Variants in KCNIP1 observed in about 807,000 individuals in gnomAD.
KCNIP1 encodes potassium voltage-gated channel interacting protein 1, also known as A-type potassium channel modulatory protein KCNIP1.
KCNIP1 carries 18 observed loss-of-function variants against 33.0 expected under a neutral mutation model. The observed-to-expected ratio is 0.55, with a 90% CI of 0.38 to 0.81. The LOEUF (loss-of-function observed/expected upper bound fraction) is 0.81. Among genes scored for constraint, KCNIP1 ranks in the 30% least tolerant of loss-of-function variants. KCNIP1 has a pLI of 0.00. For synonymous variants in KCNIP1, 93 were observed against 98.3 expected, an observed-to-expected ratio of 0.95 and a Z score of 0.32; for missense variants, 238 against 271.6, an observed-to-expected ratio of 0.88 and a Z score of 0.87.
chr5:170,427,943 G>T (rs1009711867), intron 1 of KCNIP1, among the ~76,000 whole-genome samples: 5 of 152,174 alleles, frequency 3.3e-5, no homozygotes, highest in African/African-American at 7.2e-5. Context: ...TCAGCATATG[G>T]TAGAAAGAAA....
At chr5:170,366,643 C>T (rs2113298046) in intron 1 of KCNIP1, among the ~76,000 whole-genome samples, 1 of 152,338 alleles carries the variant, frequency 6.6e-6, no homozygotes, top group East Asian at 1.9e-4. Context: ...GAGACTCCTC[C>T]AAATGTCCTC....
chr5:170,701,767 G>T (rs920267480), intron 1 of KCNIP1, among the ~76,000 whole-genome samples: 3 of 152,206 alleles, frequency 2.0e-5, no homozygotes, highest in Non-Finnish European at 4.4e-5. Context: ...GATAGCAGCA[G>T]ACTGAGAGAT....
At chr5:170,652,518 G>GAAGGAAGA (rs1444043780) in intron 1 of KCNIP1, among the ~76,000 whole-genome samples, 1 of 129,142 alleles carries the variant, frequency 7.7e-6, no homozygotes, top group Admixed American at 8.1e-5. Flanking sequence ...AGGAAGGAAG[G>GAAGGAAGA]AGAAAAGAAA....
chr5:170,444,973 G>A (rs773913997), intron 1 of KCNIP1, among the ~76,000 whole-genome samples: 1 of 152,158 alleles, frequency 6.6e-6, no homozygotes, highest in Admixed American at 6.5e-5. Context: ...ACAAACCCTC[G>A]CTTTCCAATT....
At chr5:170,431,239 G>A (rs908918007) in intron 1 of KCNIP1, among the ~76,000 whole-genome samples, 5 of 152,244 alleles carry the variant, frequency 3.3e-5, no homozygotes, top group African/African-American at 1.2e-4. Flanking sequence ...CTGCCTGTCA[G>A]GAGACATCTT....
At chr5:170,649,517 G>A (rs1760946445) in intron 1 of KCNIP1, among the ~76,000 whole-genome samples, 1 of 151,996 alleles carries the variant, frequency 6.6e-6, no homozygotes, top group African/African-American at 2.4e-5. Flanking sequence ...ATGCATTTGG[G>A]TGCAGGCTCT....
chr5:170,353,823 T>A, exon 1 of KCNIP1: 1 of 1,545,066 alleles, frequency 6.5e-7, no homozygotes, highest in Non-Finnish European at 8.9e-7. Flanking sequence ...GTGCACAAGG[T>A]GGGCACTGTC....
intron 1 of KCNIP1, among the ~76,000 whole-genome samples, chr5:170,524,403 C>T (rs1755492419): frequency 6.6e-6 from 1 of 152,206 alleles, no homozygotes; most frequent in African/African-American, 2.4e-5. Flanking sequence ...GACTCTGGAG[C>T]TACACTGTGT....
At chr5:170,385,146 C>A (rs1467033185) in intron 1 of KCNIP1, among the ~76,000 whole-genome samples, 2 of 152,194 alleles carry the variant, frequency 1.3e-5, no homozygotes, top group Admixed American at 1.3e-4. Context: ...CTCAGTTCAT[C>A]CTACCTTCCC....
chr5:170,572,622 G>A (rs1005186775), intron 1 of KCNIP1, among the ~76,000 whole-genome samples: 6 of 152,208 alleles, frequency 3.9e-5, no homozygotes, highest in Non-Finnish European at 5.9e-5. Context: ...ATGATTAATC[G>A]CCTCTCAGTT....
At chr5:170,723,941 A>C (rs1581547896) in intron 5 of KCNIP1, among the ~76,000 whole-genome samples, 1 of 152,346 alleles carries the variant, frequency 6.6e-6, no homozygotes, top group East Asian at 1.9e-4. Flanking sequence ...AGATGGCTGC[A>C]GATGAAGGTA....
intron 1 of KCNIP1, among the ~76,000 whole-genome samples, chr5:170,468,874 C>T: frequency 6.6e-6 from 1 of 150,706 alleles, no homozygotes; most frequent in African/African-American, 2.5e-5. Flanking sequence ...GAGACCCTGT[C>T]TCAAACAAAA....
At chr5:170,443,181 G>A (rs1756032058) in intron 1 of KCNIP1, among the ~76,000 whole-genome samples, 1 of 152,202 alleles carries the variant, frequency 6.6e-6, no homozygotes, top group South Asian at 2.1e-4. Context: ...GCACAGCTGA[G>A]TGATAAGTTG....
intron 1 of KCNIP1, among the ~76,000 whole-genome samples, chr5:170,665,419 T>C (rs1402892068): frequency 6.6e-6 from 1 of 152,180 alleles, no homozygotes; most frequent in Non-Finnish European, 1.5e-5. Flanking sequence ...CAAGCCTTTG[T>C]AATACGCCTG....
intron 1 of KCNIP1, among the ~76,000 whole-genome samples, chr5:170,535,531 G>A (rs936491820): frequency 6.6e-6 from 1 of 152,036 alleles, no homozygotes; most frequent in Non-Finnish European, 1.5e-5. Flanking sequence ...CAAAAGATGA[G>A]AGGGGACCAC....
At chr5:170,714,160 C>T (rs141887111) in intron 1 of KCNIP1, among the ~76,000 whole-genome samples, 90 of 152,270 alleles carry the variant, frequency 5.9e-4, no homozygotes, top group African/African-American at 1.8e-3. Context: ...ACCTCACTGG[C>T]GAGAAGACCC....
chr5:170,405,264 G>A (rs184194024), intron 1 of KCNIP1, among the ~76,000 whole-genome samples: 63 of 151,622 alleles, frequency 4.2e-4, no homozygotes, highest in African/African-American at 1.4e-3. Context: ...GTGCAATCTC[G>A]GCATACTGTA....
At chr5:170,446,299 G>A (rs1756115115) in intron 1 of KCNIP1, among the ~76,000 whole-genome samples, 1 of 152,130 alleles carries the variant, frequency 6.6e-6, no homozygotes, top group African/African-American at 2.4e-5. Flanking sequence ...GGGTTTGAAG[G>A]TATTGGACTC....
intron 1 of KCNIP1, among the ~76,000 whole-genome samples, chr5:170,472,543 A>G (rs1372281108): frequency 1.3e-5 from 2 of 152,136 alleles, no homozygotes; most frequent in South Asian, 2.1e-4. Flanking sequence ...AGCAGTATAC[A>G]CTGCACTCCA....
Sources: allele counts gnomAD v4.1 joint callset (sites outside exome capture counted in the v4.1 genomes callset), GRCh38; gene constraint gnomAD v4.1.1; transcripts MANE v1.5; gene names NCBI Gene and HGNC (gene_info 2026-07-23, HGNC 2026-07-21).